The following PREP variants were observed in gnomAD, a reference collection of about 807,000 sequenced individuals.
The protein encoded by PREP is dJ355L5.1 (prolyl endopeptidase).
Under a neutral mutation model 87.6 loss-of-function variants are expected in PREP, and 29 were observed. The observed-to-expected ratio is 0.33, with a 90% CI of 0.25 to 0.45. The LOEUF is 0.45. PREP is among the 20% of genes least tolerant of loss of function. The pLI is 1.00. For synonymous variants in PREP, 337 were observed against 328.6 expected, an observed-to-expected ratio of 1.03 and a Z score of -0.28; for missense variants, 695 against 886.5, an observed-to-expected ratio of 0.78 and a Z score of 2.74.
intron 3 of PREP, 72 bp downstream of exon 3, chr6:105,377,313 GA>G: frequency 6.8e-7 from 1 of 1,462,352 alleles, no homozygotes; most frequent in Non-Finnish European, 9.3e-7. Flanking sequence ...AAGTTATCTG[GA>G]ATTTGTATTT....
rs544503519 is a variant in PREP at position 105,329,405 on chromosome 6, G to A, written c.1016-379C>T. On this transcript the variant is annotated intron_variant, in intron 8 of 14. Coordinates refer to ENST00000652536, the MANE Select transcript of PREP (RefSeq NM_002726.5). ...TGGCCTCAAGAGATCTGCCCACCTC[G>A]GCCTCCCAAAACTGTTAAGATTACA... Among the ~76,000 whole-genome samples, 47 of 152,124 alleles carry A rather than the reference G, an allele frequency of 3.1e-4. 1 individual carries two copies. Among genetic ancestry groups the A allele is most frequent in the South Asian group, 6.2e-4 (3 of 4,812 alleles).
At chr6:105,346,959 G>A (rs182286838) in intron 7 of PREP, among the ~76,000 whole-genome samples, 3 of 152,230 alleles carry the variant, frequency 2.0e-5, no homozygotes, top group Admixed American at 6.5e-5. Flanking sequence ...AATTAGCTGG[G>A]TGTGGTGGCA....
intron 5 of PREP, among the ~76,000 whole-genome samples, chr6:105,371,624 T>C (rs985623841): frequency 2.0e-5 from 3 of 151,688 alleles, no homozygotes; most frequent in African/African-American, 7.3e-5. Flanking sequence ...TTCATTATGA[T>C]GACGTACCAA....
chr6:105,397,282 T>C (rs548858554), intron 2 of PREP, among the ~76,000 whole-genome samples: 165 of 152,202 alleles, frequency 1.1e-3, no homozygotes, highest in African/African-American at 3.7e-3. Context: ...CCACCTTCAT[T>C]ACTGAATGGA....
intron 2 of PREP, among the ~76,000 whole-genome samples, chr6:105,383,461 A>G (rs1772902423): frequency 6.6e-6 from 1 of 152,126 alleles, no homozygotes; most frequent in Admixed American, 6.5e-5. Flanking sequence ...CTCATTCTCA[A>G]GGTGGAGAAA....
chr6:105,373,695 G>A (rs1264178274), intron 4 of PREP, 117 bp from the exon 5 acceptor site: 7 of 1,054,514 alleles, frequency 6.6e-6, no homozygotes, highest in Admixed American at 2.2e-5. Context: ...GCAATAAAAG[G>A]AATAGGAATC....
intron 2 of PREP, among the ~76,000 whole-genome samples, chr6:105,382,757 C>T (rs9285385): frequency 0.29 from 44,468 of 152,098 alleles, 8,419 homozygotes; most frequent in African/African-American, 0.54. Flanking sequence ...GCAGGCAAGA[C>T]GACCAGGAGG....
intron 2 of PREP, among the ~76,000 whole-genome samples, chr6:105,390,705 A>C (rs1773118430): frequency 6.6e-6 from 1 of 152,260 alleles, no homozygotes; most frequent in South Asian, 2.1e-4. Flanking sequence ...GATTACAAGA[A>C]TATTACTTCT....
rs576244766 is a variant in PREP at position 105,293,544 on chromosome 6, G to C, written c.1318-4650C>G. On this transcript the variant is annotated intron_variant, in intron 10 of 14. Transcript: ENST00000652536. ...GAGGCATGAATAAGCACATGTTGTTGAAAAAATGGCACTGACAGACTTGCT... is the reference window on the plus strand; with the variant it reads ...GAGGCATGAATAAGCACATGTTGTTCAAAAAATGGCACTGACAGACTTGCT... Among the ~76,000 whole-genome samples, 3 of 148,182 alleles carry C rather than the reference G, an allele frequency of 2.0e-5. No homozygotes were observed. The South Asian group carries it at 6.4e-4, about 32-fold the overall frequency.
chr6:105,307,427 T>G (rs1241450646), intron 10 of PREP, among the ~76,000 whole-genome samples: 1 of 152,068 alleles, frequency 6.6e-6, no homozygotes, highest in Non-Finnish European at 1.5e-5. Flanking sequence ...ATTAATATGG[T>G]TTTCCCTCCA....
At chr6:105,297,269 T>C (rs1451424648) in intron 10 of PREP, among the ~76,000 whole-genome samples, 2 of 152,210 alleles carry the variant, frequency 1.3e-5, no homozygotes, top group African/African-American at 4.8e-5. Context: ...AGCTCTCTAC[T>C]TCACTAGCAT....
At chr6:105,380,144 C>T (rs1284302572) in intron 2 of PREP, among the ~76,000 whole-genome samples, 1 of 152,170 alleles carries the variant, frequency 6.6e-6, no homozygotes, top group Non-Finnish European at 1.5e-5. Flanking sequence ...GGAAAGAGGG[C>T]ACCTAATTAA....
At chr6:105,339,601 G>A (rs186174788) in intron 7 of PREP, among the ~76,000 whole-genome samples, 10 of 152,222 alleles carry the variant, frequency 6.6e-5, no homozygotes, top group African/African-American at 2.4e-4. Context: ...AGCTAAAGGA[G>A]GATATTCGAA....
At chr6:105,286,019 G>A (rs977203222) in intron 11 of PREP, among the ~76,000 whole-genome samples, 17 of 152,108 alleles carry the variant, frequency 1.1e-4, no homozygotes, top group African/African-American at 3.9e-4. Context: ...CAAGTGATCC[G>A]CCTGCTTTGG....
chr6:105,357,245 T>G (rs987534878), intron 6 of PREP, among the ~76,000 whole-genome samples: 1 of 152,216 alleles, frequency 6.6e-6, no homozygotes, highest in African/African-American at 2.4e-5. Context: ...AAACACAGAC[T>G]CTTTACAGCT....
intron 8 of PREP, among the ~76,000 whole-genome samples, chr6:105,331,651 G>A (rs1771338610): frequency 1.3e-5 from 2 of 152,190 alleles, no homozygotes. Context: ...CCCTTAGGGG[G>A]ACATCCCTGC....
chr6:105,311,171 G>C (rs758865327), intron 10 of PREP, among the ~76,000 whole-genome samples: 9 of 152,102 alleles, frequency 5.9e-5, no homozygotes, highest in Non-Finnish European at 1.3e-4. Context: ...TGCTCTCTCT[G>C]CTTCCTTATC....
intron 10 of PREP, among the ~76,000 whole-genome samples, chr6:105,318,441 C>T (rs1770927048): frequency 6.6e-6 from 1 of 152,150 alleles, no homozygotes; most frequent in African/African-American, 2.4e-5. Context: ...CTACAGACTT[C>T]AGCCACATAA....
intron 7 of PREP, among the ~76,000 whole-genome samples, chr6:105,337,344 C>G (rs1057302583): frequency 6.6e-6 from 1 of 152,210 alleles, no homozygotes; most frequent in African/African-American, 2.4e-5. Flanking sequence ...ACCAACCTGA[C>G]AGCACTATAA....
Sources: gnomAD v4.1 joint callset for allele counts (sites outside exome capture counted in the v4.1 genomes callset) on GRCh38, gnomAD v4.1.1 for gene constraint, MANE v1.5 for transcripts, NCBI Gene and HGNC (gene_info 2026-07-23, HGNC 2026-07-21) for gene names.